Variants in HACE1 observed in about 807,000 individuals in gnomAD.
HACE1 encodes the protein E3 ubiquitin-protein ligase HACE1.
HACE1 carries 73 observed loss-of-function variants against 118.4 expected under a neutral mutation model. The observed-to-expected ratio is 0.62, with a 90% confidence interval of 0.51 to 0.75. HACE1 has a LOEUF of 0.75. Among genes scored for constraint, HACE1 ranks in the 30% least tolerant of loss-of-function variants. HACE1 has a pLI of 0.00. For missense variants in HACE1, 749 were observed against 1,102.2 expected (o/e 0.68, Z 4.54); for synonymous variants, 368 against 374.8 (o/e 0.98, Z 0.21).
intron 20 of HACE1, among the ~76,000 whole-genome samples, chr6:104,748,554 A>G (rs951954067): frequency 1.8e-4 from 27 of 152,190 alleles, no homozygotes; most frequent in Admixed American, 1.8e-3. Flanking sequence ...TGCACAGCCT[A>G]TGTCCCAGCA....
At chr6:104,777,354 G>A in intron 14 of HACE1, 37 bp from the exon 15 acceptor site, 1 of 1,223,138 alleles carries the variant, frequency 8.2e-7, no homozygotes, top group African/African-American at 1.5e-5. Flanking sequence ...TGTTAGCAGT[G>A]TATCAGTCAT....
In HACE1 at chr6:104,849,232, T is replaced by A. The variant is rs1380681749; in HGVS notation, c.236A>T (p.Glu79Val). ...LHIAANCGSV[E>V]CLVLLLKKGA... The stretch of plus-strand genomic sequence containing the variant: ...TTTCTTTAACAGCAAAACCAAGCAT[T>A]CCACCGATCCACAACTAAAACAATA... Residue 79 changes from glutamate (E) to valine (V), a missense_variant, in exon 4 of 24, where the codon GAA (glutamate) becomes GTA (valine). This residue lies in a region of HACE1 where 120 missense variants were observed against 219.1 expected (regional missense o/e 0.55). Coordinates refer to ENST00000262903, the MANE Select transcript of HACE1 (RefSeq NM_020771.4). 1.3e-6 allele frequency: 2 copies of A among 1,591,340 alleles called. No individual in the cohort carries two copies. The highest frequency in any genetic ancestry group is 1.7e-6 in the Non-Finnish European group (2 of 1,159,472).
intron 19 of HACE1, among the ~76,000 whole-genome samples, chr6:104,751,487 G>T (rs954895975): frequency 6.6e-6 from 1 of 151,974 alleles, no homozygotes; most frequent in African/African-American, 2.4e-5. Flanking sequence ...ATAAGCAGAG[G>T]GCATGGTGGC....
chr6:104,855,373 G>A (rs1406267978), intron 1 of HACE1, among the ~76,000 whole-genome samples: 2 of 151,926 alleles, frequency 1.3e-5, no homozygotes, highest in East Asian at 3.9e-4. Context: ...AACCCAGGAG[G>A]CAGAGCTTGC....
rs114640264 is a variant in HACE1 at position 104,770,750 on chromosome 6, C to T, written c.2211+443G>A. On this transcript the variant is annotated intron_variant, in intron 19 of 23. Transcript: ENST00000262903. The stretch of plus-strand genomic sequence containing the variant: ...TAAATAAATAAATAATCAAGTTATA[C>T]AGTCAAAAAAATATCAAAAGGTCGA... 1.6e-3 allele frequency among the ~76,000 whole-genome samples: 249 copies of T among 152,148 alleles called. 1 individual carries two copies. The highest frequency in any genetic ancestry group is 5.7e-3 in the African/African-American group (236 of 41,534).
At position 104,729,703 on chromosome 6, in the gene HACE1, C is replaced by A. The variant is rs903622688; in HGVS notation, c.2689G>T (p.Val897Leu). ...SKEILKDRLL[V>L]ALHCGSYGYT... ...CCATAGCTGCCACAATGTAGTGCCA[C>A]AAGAAGTCTGTCCTTGAGTATTTCT... The change falls in exon 24 of 24, where the codon GTG (valine) becomes TTG (leucine). Residue 897 changes from valine (V) to leucine (L), a missense_variant. Val to Leu is a conservative substitution (Grantham distance 32). Transcript: ENST00000262903. 1.4e-5 allele frequency: 22 copies of A among 1,591,374 alleles called. No homozygotes were observed. The highest frequency in any genetic ancestry group is 1.8e-5 in the Non-Finnish European group (21 of 1,159,666).
chr6:104,730,758 T>C (rs1230810398), intron 22 of HACE1: 1 of 291,340 alleles, frequency 3.4e-6, no homozygotes, highest in Non-Finnish European at 6.7e-6. Context: ...AAACAAGTCA[T>C]ATTTACATCT....
At position 104,813,499 on chromosome 6, in the gene HACE1, G is replaced by A. The variant is rs756020604; in HGVS notation, c.535-2106C>T. 6.1e-4 allele frequency among the ~76,000 whole-genome samples: 84 copies of A among 138,298 alleles called. 15 individuals carry two copies. The highest frequency in any genetic ancestry group is 1.2e-3 in the Non-Finnish European group (75 of 64,396). The allele number at this position is 138,298 out of a possible 152,430, so 90.7% of individuals were successfully genotyped here. A position where few individuals can be genotyped will look rare whatever the true frequency, so the allele number is the denominator to read the frequency against. On this transcript the variant is annotated intron_variant, in intron 6 of 23. Coordinates refer to ENST00000262903, the MANE Select transcript of HACE1 (RefSeq NM_020771.4). ...GTTAAATTTTCCCCTGGGAACATGA[G>A]GCAACTTTTTTATTTTCATGACCAG...
In HACE1 at chr6:104,749,046, G is replaced by A. The variant is rs115279741; in HGVS notation, c.2343+1295C>T. On this transcript the variant is annotated intron_variant, in intron 20 of 23. Coordinates refer to ENST00000262903, the MANE Select transcript of HACE1 (RefSeq NM_020771.4). ...TTCTGCATGTATATCATAACCCAAA[G>A]TTTTATAAACTTATTGATATCAGTA... 4.6e-3 allele frequency among the ~76,000 whole-genome samples: 704 copies of A among 152,202 alleles called. 4 individuals carry two copies. Among genetic ancestry groups the A allele is most frequent in the African/African-American group, 0.016 (675 of 41,528 alleles).
intron 5 of HACE1, among the ~76,000 whole-genome samples, chr6:104,842,148 A>T (rs1228435147): frequency 2.0e-5 from 3 of 152,154 alleles, no homozygotes; most frequent in African/African-American, 7.2e-5. Context: ...CTACAAAAAA[A>T]TATAAAATAT....
At chr6:104,827,860 C>G (rs895056999) in intron 6 of HACE1, among the ~76,000 whole-genome samples, 1 of 152,006 alleles carries the variant, frequency 6.6e-6, no homozygotes, top group Admixed American at 6.5e-5. Flanking sequence ...GTCTATTATA[C>G]TAAGGGTTCA....
At chr6:104,783,116 A>G (rs955267481) in intron 14 of HACE1, among the ~76,000 whole-genome samples, 2 of 152,146 alleles carry the variant, frequency 1.3e-5, no homozygotes, top group Non-Finnish European at 2.9e-5. Context: ...GCAGTTTTAC[A>G]TACTTTTCGG....
chr6:104,829,048 AT>A (rs1410011177), intron 6 of HACE1, among the ~76,000 whole-genome samples: 2 of 151,980 alleles, frequency 1.3e-5, no homozygotes, highest in African/African-American at 4.8e-5. Flanking sequence ...TTTTTTCCCC[AT>A]TTAAAGTTTT....
At chr6:104,776,690 G>T in intron 17 of HACE1, 51 bp downstream of exon 17, 1 of 1,035,362 alleles carries the variant, frequency 9.7e-7, no homozygotes, top group Non-Finnish European at 1.5e-6. Context: ...CTGAAATAGT[G>T]TGAAAAATGT....
At chr6:104,806,440 T>G (rs1771006863) in intron 7 of HACE1, among the ~76,000 whole-genome samples, 1 of 152,090 alleles carries the variant, frequency 6.6e-6, no homozygotes, top group Non-Finnish European at 1.5e-5. Context: ...CCAGCCTGGG[T>G]GGCAGAACAA....
At chr6:104,817,567 T>C (rs1772252120) in intron 6 of HACE1, among the ~76,000 whole-genome samples, 1 of 152,224 alleles carries the variant, frequency 6.6e-6, no homozygotes, top group Non-Finnish European at 1.5e-5. Flanking sequence ...CAGGTAGTTC[T>C]TTATATCAGG....
chr6:104,859,282 G>A, intron 1 of HACE1: 1 of 409,318 alleles, frequency 2.4e-6, no homozygotes, highest in East Asian at 4.9e-5. Context: ...CTGCCCCTTT[G>A]CCAAGACCCC....
At chr6:104,800,237 C>G (rs1770166862) in intron 7 of HACE1, among the ~76,000 whole-genome samples, 1 of 152,134 alleles carries the variant, frequency 6.6e-6, no homozygotes, top group Non-Finnish European at 1.5e-5. Flanking sequence ...GAGCCCACTG[C>G]AGCTCAGCAA....
Position 104,772,043 on chromosome 6 carries a change from A to C in HACE1, c.1896T>G (p.Tyr632Ter). The C allele has an allele frequency of 1.2e-6, 2 of 1,605,828 alleles. No individual in the cohort carries two copies. The highest frequency in any genetic ancestry group is 1.1e-5 in the South Asian group (1 of 90,786). ...GTTFQPNSNS[Y>*]VNPDHLNYFR... ...AATAGTTCAAGTGATCAGGATTTACATAAGAGTTGCTATTAGGCTGAAAAG... is the reference window on the plus strand; with the variant it reads ...AATAGTTCAAGTGATCAGGATTTACCTAAGAGTTGCTATTAGGCTGAAAAG... Residue 632 changes from tyrosine (Y) to a stop codon, truncating the protein, a stop_gained, in exon 18 of 24, where the codon TAT becomes TAG. Coordinates refer to ENST00000262903, the MANE Select transcript of HACE1 (RefSeq NM_020771.4). LOFTEE classifies it high-confidence loss of function.
Sources: allele counts gnomAD v4.1 joint callset (sites outside exome capture counted in the v4.1 genomes callset), GRCh38; gene constraint gnomAD v4.1.1; regional missense constraint gnomAD v4.1.1; transcripts MANE v1.5; gene names NCBI Gene and HGNC (gene_info 2026-07-23, HGNC 2026-07-21).